Variants in IQGAP2 observed in about 807,000 individuals in gnomAD.
IQGAP2 encodes the protein ras GTPase-activating-like protein IQGAP2.
In IQGAP2, 173 loss-of-function variants were observed where a neutral mutation model predicts 201.3. The ratio of observed to expected loss-of-function variants is 0.86; its 90% CI spans 0.76 to 0.98. The LOEUF (loss-of-function observed/expected upper bound fraction) is 0.98. Among genes scored for constraint, IQGAP2 ranks in the 50% least tolerant of loss-of-function variants. IQGAP2 has a pLI of 0.00. For synonymous variants in IQGAP2, 675 were observed against 673.9 expected (o/e 1.00, Z -0.03); for missense variants, 1,687 against 1,864.8 (o/e 0.90, Z 1.76).
chr5:76,664,974 A>G, intron 21 of IQGAP2, 52 bp from the exon 22 acceptor site: 1 of 987,812 alleles, frequency 1.0e-6, no homozygotes. Context: ...TGAAGGGAGG[A>G]GATAAAGAGT....
intron 2 of IQGAP2, among the ~76,000 whole-genome samples, chr5:76,494,392 A>G (rs1756750481): frequency 6.6e-6 from 1 of 152,196 alleles, no homozygotes; most frequent in African/African-American, 2.4e-5. Flanking sequence ...TTGTAACCAG[A>G]GGATAAGGTC....
intron 5 of IQGAP2, among the ~76,000 whole-genome samples, chr5:76,585,421 G>T (rs933577415): frequency 6.6e-6 from 1 of 152,046 alleles, no homozygotes; most frequent in Non-Finnish European, 1.5e-5. Context: ...AAAAGAGGAG[G>T]AAAGTGCAAA....
At chr5:76,486,595 A>G (rs938700642) in intron 2 of IQGAP2, among the ~76,000 whole-genome samples, 2 of 152,098 alleles carry the variant, frequency 1.3e-5, no homozygotes, top group South Asian at 2.1e-4. Context: ...ACTAGGGGGA[A>G]GTTTTTCCTA....
chr5:76,454,210 C>T (rs1753934552), intron 1 of IQGAP2, among the ~76,000 whole-genome samples: 1 of 152,110 alleles, frequency 6.6e-6, no homozygotes. Context: ...TGCAGGCCAG[C>T]CCTCTGTATA....
At chr5:76,496,744 T>TCTTTCTTTCTTTCTTTCTTTCTTTCTTTC (rs1236381973) in intron 2 of IQGAP2, among the ~76,000 whole-genome samples, 3 of 52,712 alleles carry the variant, frequency 5.7e-5, no homozygotes, top group Admixed American at 2.3e-4. Flanking sequence ...TTTCTTTCTT[T>TCTTTCTTTCTTTCTTTCTTTCTTTCTTTC]CTTTCTTTCT....
intron 1 of IQGAP2, among the ~76,000 whole-genome samples, chr5:76,432,125 C>CTCCTTTTTTTTTT (rs1752403399): frequency 3.1e-5 from 1 of 32,698 alleles, no homozygotes; most frequent in Admixed American, 3.2e-4. Context: ...ATCTTTCTTT[C>CTCCTTTTTTTTTT]TTCTTTTTTT....
intron 27 of IQGAP2, 75 bp downstream of exon 27, chr5:76,674,784 CT>C: frequency 1.8e-6 from 2 of 1,091,004 alleles, no homozygotes; most frequent in Non-Finnish European, 2.8e-6. Context: ...GTGCCCAGAG[CT>C]AGAGTGGGCA....
At chr5:76,674,770 C>A in intron 27 of IQGAP2, 61 bp downstream of exon 27, 1 of 1,244,544 alleles carries the variant, frequency 8.0e-7, no homozygotes, top group Non-Finnish European at 1.2e-6. Context: ...ATAATATGTG[C>A]TCTGTGCCCA....
At chr5:76,451,856 G>A (rs939713697) in intron 1 of IQGAP2, among the ~76,000 whole-genome samples, 13 of 152,094 alleles carry the variant, frequency 8.5e-5, no homozygotes, top group East Asian at 3.9e-4. Context: ...CCAACACAAC[G>A]AAACCCCGTC....
At position 76,683,909 on chromosome 5, in the gene IQGAP2, C is replaced by A. The variant is rs758250774; in HGVS notation, c.3897C>A (p.Leu1299=). ...EDGEAIDSRS[L]MIKTKKLIID... is the part of the protein sequence containing the mutation. Reference sequence around the variant, plus strand: ...GTGAAGCTATAGATAGCCGAAGCCTCATGATAAAGTAAGTTTGGGGGTTAA... The same window carrying A: ...GTGAAGCTATAGATAGCCGAAGCCTAATGATAAAGTAAGTTTGGGGGTTAA... The change falls in exon 30 of 36, where the codon CTC becomes CTA. Residue 1299 remains leucine (L), a synonymous_variant. Coordinates refer to ENST00000274364, the MANE Select transcript of IQGAP2 (RefSeq NM_006633.5). 5 of 1,608,712 alleles carry A rather than the reference C, an allele frequency of 3.1e-6. No homozygotes were observed. The Admixed American group carries it at 8.4e-5, about 27-fold the overall frequency.
intron 2 of IQGAP2, among the ~76,000 whole-genome samples, chr5:76,485,468 C>A (rs1756069502): frequency 6.6e-6 from 1 of 152,058 alleles, no homozygotes; most frequent in African/African-American, 2.4e-5. Flanking sequence ...ACCTTTTTTC[C>A]CCCCTTGGTT....
chr5:76,656,548 G>A (rs984340014), intron 20 of IQGAP2, among the ~76,000 whole-genome samples: 1 of 151,676 alleles, frequency 6.6e-6, no homozygotes, highest in Non-Finnish European at 1.5e-5. Flanking sequence ...ACTAAAATAT[G>A]TTTGCTGTTG....
At chr5:76,468,359 T>C (rs1354204779) in intron 2 of IQGAP2, among the ~76,000 whole-genome samples, 1 of 152,228 alleles carries the variant, frequency 6.6e-6, no homozygotes, top group Non-Finnish European at 1.5e-5. Flanking sequence ...AATAATGCTG[T>C]GCTCAGAAAA....
At chr5:76,657,088 G>A (rs2432189) in intron 20 of IQGAP2, among the ~76,000 whole-genome samples, 70,547 of 151,882 alleles carry the variant, frequency 0.46, 16,900 homozygotes, top group Non-Finnish European at 0.54. Context: ...AGATGAAGAT[G>A]GCAAAAAGCC....
At chr5:76,546,719 T>G (rs1743120335) in intron 2 of IQGAP2, among the ~76,000 whole-genome samples, 1 of 152,194 alleles carries the variant, frequency 6.6e-6, no homozygotes. Flanking sequence ...AACACTGCCT[T>G]GGTCTTGCCG....
rs1402257835 is a variant in IQGAP2 at position 76,665,178 on chromosome 5, G to A, written c.2679+3G>A. 2.5e-6 allele frequency: 4 copies of A among 1,610,678 alleles called. No homozygotes were observed. The highest frequency in any genetic ancestry group is 1.1e-5 in the South Asian group (1 of 90,200). On this transcript the variant is annotated splice_donor_region_variant and intron_variant, in intron 22 of 35. Transcript: ENST00000274364. Reference sequence around the variant, plus strand: ...AGCAGCTGTTTTACCTTTTACAGGTGAGAACAATTTATCGTTCACTCTGAG... The same window carrying A: ...AGCAGCTGTTTTACCTTTTACAGGTAAGAACAATTTATCGTTCACTCTGAG...
chr5:76,544,472 GACATA>G (rs150979362), intron 2 of IQGAP2, among the ~76,000 whole-genome samples: 218 of 152,278 alleles, frequency 1.4e-3, no homozygotes, highest in African/African-American at 5.0e-3. Context: ...TAAAATCAAG[GACATA>G]TAGCCAAGCA....
At chr5:76,496,706 T>TTTCTTTCTTTCTGTC (rs1756920486) in intron 2 of IQGAP2, among the ~76,000 whole-genome samples, 1 of 13,918 alleles carries the variant, frequency 7.2e-5, no homozygotes. Context: ...TTCTGTCTCT[T>TTTCTTTCTTTCTGTC]TCTTTCTTTC....
chr5:76,518,583 A>T (rs1307405472), intron 2 of IQGAP2, among the ~76,000 whole-genome samples: 2 of 152,228 alleles, frequency 1.3e-5, no homozygotes, highest in Non-Finnish European at 2.9e-5. Flanking sequence ...AAGAAGGGAT[A>T]TAAATAGAGT....
Sources: gnomAD v4.1 joint callset for allele counts (sites outside exome capture counted in the v4.1 genomes callset) on GRCh38, gnomAD v4.1.1 for gene constraint, MANE v1.5 for transcripts, NCBI Gene and HGNC (gene_info 2026-07-23, HGNC 2026-07-21) for gene names.